Variants in CXCL13 observed in about 807,000 individuals in gnomAD.
CXCL13 encodes the protein C-X-C motif chemokine 13.
In CXCL13, 7 loss-of-function variants were observed where a neutral mutation model predicts 12.2. The ratio of observed to expected loss-of-function variants is 0.57; its 90% CI spans 0.33 to 1.07. CXCL13 has a LOEUF of 1.07. Among genes scored for constraint, CXCL13 ranks in the 50% least tolerant of loss-of-function variants. The pLI is 0.04. For missense variants in CXCL13, 113 were observed against 127.4 expected (o/e 0.89, Z 0.55); for synonymous variants, 47 against 42.4 (o/e 1.11, Z -0.42).
intron 1 of CXCL13, among the ~76,000 whole-genome samples, chr4:77,515,605 G>A (rs1490426582): frequency 6.6e-6 from 1 of 152,082 alleles, no homozygotes; most frequent in Non-Finnish European, 1.5e-5. Context: ...TTGGCTCTCT[G>A]TTTGTCTGTT....
intron 1 of CXCL13, among the ~76,000 whole-genome samples, chr4:77,547,710 A>G (rs1005364782): frequency 6.6e-6 from 1 of 152,140 alleles, no homozygotes; most frequent in Non-Finnish European, 1.5e-5. Context: ...GTGTGTTTAA[A>G]TTGGGCATTT....
At chr4:77,595,461 G>A (rs2109833090) in intron 1 of CXCL13, among the ~76,000 whole-genome samples, 1 of 152,288 alleles carries the variant, frequency 6.6e-6, no homozygotes, top group Middle Eastern at 3.4e-3. Flanking sequence ...CAAGAACAGA[G>A]CAATGGCCAT....
At chr4:77,575,154 T>C (rs954006390) in intron 1 of CXCL13, among the ~76,000 whole-genome samples, 2 of 151,962 alleles carry the variant, frequency 1.3e-5, no homozygotes, top group Non-Finnish European at 2.9e-5. Context: ...AAGGCACTAA[T>C]CAGCTCTTAA....
intron 1 of CXCL13, among the ~76,000 whole-genome samples, chr4:77,567,663 A>G (rs1206844553): frequency 6.6e-6 from 1 of 152,114 alleles, no homozygotes; most frequent in Non-Finnish European, 1.5e-5. Flanking sequence ...GGCAAAAGTG[A>G]CCTCTGGTCA....
rs1578060423 is a variant in CXCL13 at position 77,573,565 on chromosome 4, TA to T, written c.-42-32254del. ...TAAGTTCACTAAAATTTAAGGTTAC[TA>T]AAAATTCATTTGTAATTCTGTATAT... is the stretch of plus-strand genomic sequence containing the variant. On this transcript the variant is annotated intron_variant, in intron 1 of 4. Transcript: ENST00000286758. Among the ~76,000 whole-genome samples the T allele has an allele frequency of 2.6e-5, 4 of 151,938 alleles. No individual in the cohort carries two copies. The East Asian group carries it at 7.7e-4, about 29-fold the overall frequency.
chr4:77,583,561 T>C (rs574740027), intron 1 of CXCL13, among the ~76,000 whole-genome samples: 1 of 152,326 alleles, frequency 6.6e-6, no homozygotes, highest in East Asian at 1.9e-4. Context: ...CACGTCAATG[T>C]GGGCCTTCTT....
chr4:77,569,964 A>C lies in CXCL13; in HGVS notation c.-42-35860A>C, dbSNP rs147084279. Among the ~76,000 whole-genome samples the C allele has an allele frequency of 5.3e-5, 8 of 152,342 alleles. No homozygotes were observed. In the East Asian group the frequency reaches 1.4e-3, roughly 26 times the overall value. The stretch of plus-strand genomic sequence containing the variant: ...GGAACAGAATAGAGAAGCAAGAAAT[A>C]AGGCAGCATGCCTACAACTATCTGA... On this transcript the variant is annotated intron_variant, in intron 1 of 4. Transcript: ENST00000286758.
chr4:77,568,648 C>A (rs1725993461), intron 1 of CXCL13, among the ~76,000 whole-genome samples: 1 of 152,044 alleles, frequency 6.6e-6, no homozygotes, highest in African/African-American at 2.4e-5. Flanking sequence ...TGCTGTTGGC[C>A]ACCCTGGAGA....
chr4:77,600,729 C>A (rs991513015), intron 1 of CXCL13, among the ~76,000 whole-genome samples: 10 of 152,168 alleles, frequency 6.6e-5, no homozygotes, highest in Non-Finnish European at 1.5e-4. Context: ...AAGGTACAAG[C>A]CCAGCCACTG....
chr4:77,527,195 G>A (rs76398665), intron 1 of CXCL13, among the ~76,000 whole-genome samples: 4,280 of 152,242 alleles, frequency 0.028, 205 homozygotes, highest in African/African-American at 0.098. Flanking sequence ...ACAAAATGTA[G>A]CACTGTACAC....
intron 1 of CXCL13, among the ~76,000 whole-genome samples, chr4:77,540,469 C>T (rs377381299): frequency 2.4e-4 from 36 of 152,210 alleles, no homozygotes; most frequent in African/African-American, 8.4e-4. Context: ...ATCTTTACGT[C>T]CATGAGTACC....
intron 1 of CXCL13, among the ~76,000 whole-genome samples, chr4:77,559,305 A>AT: frequency 6.6e-6 from 1 of 152,314 alleles, no homozygotes; most frequent in South Asian, 2.1e-4. Flanking sequence ...AGAAATTGAG[A>AT]TATGATGCAG....
At chr4:77,583,460 G>C (rs1396979455) in intron 1 of CXCL13, among the ~76,000 whole-genome samples, 5 of 152,192 alleles carry the variant, frequency 3.3e-5, no homozygotes, top group Non-Finnish European at 7.3e-5. Flanking sequence ...GAGAAGGAAA[G>C]AAAGGAGAGT....
chr4:77,593,049 G>A (rs761030601), intron 1 of CXCL13, among the ~76,000 whole-genome samples: 1 of 152,156 alleles, frequency 6.6e-6, no homozygotes, highest in Non-Finnish European at 1.5e-5. Flanking sequence ...TTTGTACTTA[G>A]AACAGAGCCC....
At chr4:77,531,131 ATC>A (rs1491058463) in intron 1 of CXCL13, among the ~76,000 whole-genome samples, 1 of 146,702 alleles carries the variant, frequency 6.8e-6, no homozygotes, top group Non-Finnish European at 1.5e-5. Context: ...TATTATTATT[ATC>A]ATTATTATAC....
chr4:77,540,794 C>G (rs1725189752), intron 1 of CXCL13, among the ~76,000 whole-genome samples: 1 of 152,134 alleles, frequency 6.6e-6, no homozygotes, highest in South Asian at 2.1e-4. Flanking sequence ...GTTGCTGGGT[C>G]AAACAGTAGT....
chr4:77,600,346 C>T (rs944525964), intron 1 of CXCL13, among the ~76,000 whole-genome samples: 4 of 151,974 alleles, frequency 2.6e-5, no homozygotes, highest in African/African-American at 9.7e-5. Context: ...TTGGGGGCAC[C>T]TGAGGTTTGC....
intron 1 of CXCL13, among the ~76,000 whole-genome samples, chr4:77,573,217 A>T (rs1334167070): frequency 6.6e-6 from 1 of 151,900 alleles, no homozygotes; most frequent in African/African-American, 2.4e-5. Flanking sequence ...AAACCTGCAC[A>T]TGTACCTCTG....
At chr4:77,525,542 T>C (rs1724741617) in intron 1 of CXCL13, among the ~76,000 whole-genome samples, 1 of 152,232 alleles carries the variant, frequency 6.6e-6, no homozygotes, top group South Asian at 2.1e-4. Context: ...TGATTAATAC[T>C]GTCTATTAGC....
Sources: gnomAD v4.1 joint callset for allele counts (sites outside exome capture counted in the v4.1 genomes callset) on GRCh38, gnomAD v4.1.1 for gene constraint, MANE v1.5 for transcripts, NCBI Gene and HGNC (gene_info 2026-07-23, HGNC 2026-07-21) for gene names.